Variants in GALNT2 observed in about 807,000 individuals in gnomAD.
GALNT2 encodes polypeptide N-acetylgalactosaminyltransferase 2, also known as UDP-GalNAc:polypeptide N-acetylgalactosaminyltransferase 2.
GALNT2 carries 31 observed loss-of-function variants against 81.4 expected under a neutral mutation model. The observed-to-expected ratio is 0.38, with a 90% CI of 0.29 to 0.51. The LOEUF (loss-of-function observed/expected upper bound fraction) is 0.51. Ranked by LOEUF, GALNT2 falls within the 20% of genes least tolerant of loss-of-function variation. The pLI is 0.87. For missense variants in GALNT2, 629 were observed against 765.7 expected, an observed-to-expected ratio of 0.82 and a Z score of 2.11; for synonymous variants, 303 against 287.4, an observed-to-expected ratio of 1.05 and a Z score of -0.55.
rs117004990 is a variant in GALNT2 at position 230,080,904 on chromosome 1, C to T, written c.126+13498C>T. ...AAGTGTTAACTGCTGTTGCTAATGT[C>T]AACTGTCACTTTGAAGGCGGGGAGG... On this transcript the variant is annotated intron_variant, in intron 1 of 15. Transcript: ENST00000366672. Among the ~76,000 whole-genome samples the T allele has an allele frequency of 5.7e-3, 863 of 152,286 alleles. 11 individuals are homozygous for T. The highest frequency in any genetic ancestry group is 0.025 in the East Asian group (132 of 5,182).
rs140162162 is a variant in GALNT2 at position 230,150,230 on chromosome 1, G to T, written c.127-27988G>T. Among the ~76,000 whole-genome samples the T allele has an allele frequency of 3.3e-5, 5 of 152,184 alleles. No homozygotes were observed. The East Asian group carries it at 7.7e-4, about 23-fold the overall frequency. On this transcript the variant is annotated intron_variant, in intron 1 of 15. Coordinates refer to ENST00000366672, the MANE Select transcript of GALNT2 (RefSeq NM_004481.5). ...GGTGACTGCAAAGCTGCCTACCTCC[G>T]TGTGCTGCCGTTTTTCTGTACCGAA...
At position 230,275,749 on chromosome 1, in the gene GALNT2, TATATATAC is replaced by T. The variant is rs935283731; in HGVS notation, c.1560+1197_1560+1204del. Among the ~76,000 whole-genome samples, 2 of 150,702 alleles carry T rather than the reference TATATATAC, an allele frequency of 1.3e-5. No homozygotes were observed. The highest frequency in any genetic ancestry group is 4.9e-5 in the African/African-American group (2 of 40,830). On this transcript the variant is annotated intron_variant, in intron 15 of 15. Coordinates refer to ENST00000366672, the MANE Select transcript of GALNT2 (RefSeq NM_004481.5). This position sits in a 1 kb window ranked among gnomAD's most constrained non-coding sequence, Gnocchi z 5.5. ...CACATATATATATACAAACACCACA[TATATATAC>T]ATATATACATACACCACAGATATAT...
intron 1 of GALNT2, among the ~76,000 whole-genome samples, chr1:230,158,550 A>G (rs553618341): frequency 2.6e-5 from 4 of 152,134 alleles, no homozygotes; most frequent in African/African-American, 9.6e-5. Flanking sequence ...TTGACCTGAG[A>G]CTCTTCCAGG....
intron 14 of GALNT2, among the ~76,000 whole-genome samples, chr1:230,273,738 A>T (rs1036275174): frequency 5.9e-5 from 9 of 152,204 alleles, no homozygotes; most frequent in African/African-American, 2.2e-4. Context: ...TCTCTAGCTC[A>T]GTTTTCTCAT....
chr1:230,132,865 T>C (rs576951089), intron 1 of GALNT2, among the ~76,000 whole-genome samples: 1 of 152,188 alleles, frequency 6.6e-6, no homozygotes, highest in South Asian at 2.1e-4. Context: ...GATGAGAGGG[T>C]AACATTCTTC....
intron 1 of GALNT2, among the ~76,000 whole-genome samples, chr1:230,141,983 G>A (rs1661756020): frequency 6.6e-6 from 1 of 151,946 alleles, no homozygotes; most frequent in Non-Finnish European, 1.5e-5. Context: ...TTAGAGACGA[G>A]AGCCTCACTG....
At chr1:230,069,240 G>C (rs1047520817) in intron 1 of GALNT2, among the ~76,000 whole-genome samples, 8 of 149,318 alleles carry the variant, frequency 5.4e-5, no homozygotes, top group African/African-American at 1.8e-4. Flanking sequence ...AGACACTCCT[G>C]AAGTGTGTGA....
chr1:230,093,888 A>C (rs888889889), intron 1 of GALNT2, among the ~76,000 whole-genome samples: 2 of 152,228 alleles, frequency 1.3e-5, no homozygotes, highest in African/African-American at 4.8e-5. Context: ...AAATCACCTA[A>C]GGGCACATTT....
At chr1:230,169,074 T>G (rs572951083) in intron 1 of GALNT2, among the ~76,000 whole-genome samples, 4 of 152,294 alleles carry the variant, frequency 2.6e-5, no homozygotes, top group Admixed American at 1.3e-4. Context: ...TTCTCATGAT[T>G]AGATGAGAGT....
intron 1 of GALNT2, among the ~76,000 whole-genome samples, chr1:230,158,139 T>A (rs2102843475): frequency 6.6e-6 from 1 of 151,708 alleles, no homozygotes; most frequent in East Asian, 1.9e-4. Flanking sequence ...GAAAGGGAAA[T>A]GTTTGCATGG....
At chr1:230,092,195 T>TTTTGTTTTTTTTTTTTCACTGA (rs1660112138) in intron 1 of GALNT2, among the ~76,000 whole-genome samples, 1 of 150,028 alleles carries the variant, frequency 6.7e-6, no homozygotes, top group African/African-American at 2.4e-5. Context: ...TTTTTTTTTT[T>TTTTGTTTTTTTTTTTTCACTGA]TGCACTGATC....
intron 2 of GALNT2, among the ~76,000 whole-genome samples, chr1:230,197,920 C>T (rs1486991382): frequency 1.3e-5 from 2 of 152,190 alleles, no homozygotes; most frequent in African/African-American, 2.4e-5. Context: ...ACTGATGGGG[C>T]AGGCAGGCTC....
chr1:230,219,321 C>T (rs1002484040), intron 3 of GALNT2, among the ~76,000 whole-genome samples: 13 of 152,088 alleles, frequency 8.5e-5, no homozygotes, highest in Non-Finnish European at 1.3e-4. Context: ...GAAAATTCCC[C>T]GTATGTTGCT....
At position 230,149,129 on chromosome 1, in the gene GALNT2, C is replaced by T. The variant is rs549029756; in HGVS notation, c.127-29089C>T. ...CTCCTGGGCTCAGGCAGTCCACCTG[C>T]CTCAGCCTCCCAAAGTGCTGAGATT... is the stretch of plus-strand genomic sequence containing the variant. On this transcript the variant is annotated intron_variant, in intron 1 of 15. Transcript: ENST00000366672. Among the ~76,000 whole-genome samples, 23 of 152,360 alleles carry T rather than the reference C, an allele frequency of 1.5e-4. No homozygotes were observed. In the South Asian group the frequency reaches 4.4e-3, roughly 29 times the overall value.
At chr1:230,210,578 T>C (rs928803684) in intron 3 of GALNT2, among the ~76,000 whole-genome samples, 4 of 152,250 alleles carry the variant, frequency 2.6e-5, no homozygotes, top group African/African-American at 9.6e-5. Flanking sequence ...GTTGTACATC[T>C]AATCGGTTTA....
At chr1:230,181,168 G>C (rs1376344950) in intron 2 of GALNT2, among the ~76,000 whole-genome samples, 1 of 151,908 alleles carries the variant, frequency 6.6e-6, no homozygotes, top group Non-Finnish European at 1.5e-5. Context: ...TCTTTGCCTT[G>C]TTCCTGATCT....
At chr1:230,057,990 G>A (rs939902524) in exon 1 of GALNT2, 2 of 456,042 alleles carry the variant, frequency 4.4e-6, no homozygotes, top group African/African-American at 2.0e-5. Flanking sequence ...TCTGATACAA[G>A]AGTGTACACG....
chr1:230,085,279 G>T (rs1413295008), intron 1 of GALNT2, among the ~76,000 whole-genome samples: 1 of 152,154 alleles, frequency 6.6e-6, no homozygotes, highest in Non-Finnish European at 1.5e-5. Flanking sequence ...AAGGAATCCG[G>T]GAGTGGCCAA....
intron 1 of GALNT2, among the ~76,000 whole-genome samples, chr1:230,170,378 A>C (rs1383658192): frequency 2.0e-5 from 3 of 152,172 alleles, no homozygotes; most frequent in Non-Finnish European, 4.4e-5. Context: ...TCTAATGATG[A>C]GTAGGAGGAA....
Sources: allele counts gnomAD v4.1 joint callset (sites outside exome capture counted in the v4.1 genomes callset), GRCh38; gene constraint gnomAD v4.1.1; non-coding constraint Gnocchi (gnomAD v3.1); transcripts MANE v1.5; gene names NCBI Gene and HGNC (gene_info 2026-07-23, HGNC 2026-07-21).